The following POU6F2 variants were observed in gnomAD, a reference collection of about 807,000 sequenced individuals.
POU6F2 encodes the protein POU class 6 homeobox 2.
POU6F2 carries 31 observed loss-of-function variants against 71.3 expected under a neutral mutation model. The observed-to-expected ratio is 0.43, with a 90% CI of 0.33 to 0.59. POU6F2 has a LOEUF of 0.59. Ranked by LOEUF, POU6F2 falls within the 20% of genes least tolerant of loss-of-function variation. The probability of loss-of-function intolerance (pLI) is 0.04; values close to 1 mark genes in which losing one functional copy is unlikely to be tolerated. For synonymous variants in POU6F2, 347 were observed against 355.7 expected (o/e 0.98, Z 0.27); for missense variants, 783 against 856.8 (o/e 0.91, Z 1.07).
rs1023761785 is a variant in POU6F2, at chr7:39,460,613, C to G, written c.1556C>G (p.Ala519Gly). Residue 519 changes from alanine (A) to glycine (G), a missense_variant, in exon 9 of 10, where the codon GCT (alanine) becomes GGT (glycine). This residue lies in a region of POU6F2 where 211 missense variants were observed against 283.9 expected (regional missense o/e 0.74). Coordinates refer to ENST00000518318, the MANE Select transcript of POU6F2 (RefSeq NM_001370959.1). The surrounding 1 kb of genome is among the most constrained non-coding windows in gnomAD (Gnocchi z 4.4). Reference protein sequence around the residue: ...NLEEIREFAKAFKIRRLSLGL... With the variant: ...NLEEIREFAKGFKIRRLSLGL... ...GAGGAGATCCGAGAATTTGCCAAAG[C>G]TTTTAAAATCCGGCGCCTGTCCCTT... The G allele has an allele frequency of 4.3e-6, 7 of 1,612,266 alleles. No homozygotes were observed. The African/African-American group carries it at 8.0e-5, about 18-fold the overall frequency.
chr7:39,158,888 C>T (rs571693101), intron 2 of POU6F2, among the ~76,000 whole-genome samples: 34 of 152,046 alleles, frequency 2.2e-4, no homozygotes, highest in Non-Finnish European at 4.6e-4. Flanking sequence ...TTAACCGTTG[C>T]AGGCTGGGTG....
intron 1 of POU6F2, among the ~76,000 whole-genome samples, chr7:38,997,529 C>A (rs77547557): frequency 0.08 from 12,190 of 152,242 alleles, 619 homozygotes; most frequent in East Asian, 0.12. Context: ...TTGGCATCCA[C>A]ATTCTGTTTT....
intron 4 of POU6F2, among the ~76,000 whole-genome samples, chr7:39,233,492 G>A (rs960181316): frequency 1.3e-5 from 2 of 152,102 alleles, no homozygotes; most frequent in African/African-American, 4.8e-5. Flanking sequence ...CATTCTCTGG[G>A]ACTTGTAGGA....
chr7:39,113,069 A>G (rs1791853539), intron 2 of POU6F2, among the ~76,000 whole-genome samples: 1 of 152,178 alleles, frequency 6.6e-6, no homozygotes, highest in Non-Finnish European at 1.5e-5. Context: ...AACACAGTAT[A>G]TAAAAAGAAA....
intron 2 of POU6F2, among the ~76,000 whole-genome samples, chr7:39,177,324 T>C (rs1793351461): frequency 6.6e-6 from 1 of 152,190 alleles, no homozygotes; most frequent in South Asian, 2.1e-4. Flanking sequence ...TCAACCTCCG[T>C]GCCAACCGTG....
rs76571195 is a variant in POU6F2 at position 39,379,312 on chromosome 7, A to G, written c.973-27288A>G. ...CATTAAAATCTCTTCTGGTGGAAAG[A>G]TATTTTACTATATTACTCTTCCTCC... On this transcript the variant is annotated intron_variant, in intron 5 of 9. Coordinates refer to ENST00000518318, the MANE Select transcript of POU6F2 (RefSeq NM_001370959.1). Among the ~76,000 whole-genome samples the G allele has an allele frequency of 1.3e-4, 20 of 152,298 alleles. 2 individuals are homozygous for G. In the East Asian group the frequency reaches 3.7e-3, roughly 28 times the overall value.
intron 1 of POU6F2, among the ~76,000 whole-genome samples, chr7:39,034,825 T>C (rs988334196): frequency 1.5e-4 from 23 of 152,274 alleles, no homozygotes; most frequent in African/African-American, 4.3e-4. Flanking sequence ...CCCTGTTATT[T>C]TGGCAGCCAC....
intron 2 of POU6F2, among the ~76,000 whole-genome samples, chr7:39,203,362 A>G (rs1793944645): frequency 6.6e-6 from 1 of 152,248 alleles, no homozygotes; most frequent in Non-Finnish European, 1.5e-5. Flanking sequence ...ACCACCCATT[A>G]GAAAACTCCA....
intron 5 of POU6F2, among the ~76,000 whole-genome samples, chr7:39,398,658 A>G (rs1262481242): frequency 6.6e-6 from 1 of 152,212 alleles, no homozygotes; most frequent in Non-Finnish European, 1.5e-5. Flanking sequence ...ACTGGTGGAA[A>G]CAGCAAAGCA....
At chr7:39,140,793 G>C (rs1792481616) in intron 2 of POU6F2, among the ~76,000 whole-genome samples, 1 of 152,168 alleles carries the variant, frequency 6.6e-6, no homozygotes, top group South Asian at 2.1e-4. Flanking sequence ...GAGGGAGATG[G>C]AAAGATCTCG....
At chr7:39,187,034 A>G (rs1253592679) in intron 2 of POU6F2, among the ~76,000 whole-genome samples, 1 of 152,260 alleles carries the variant, frequency 6.6e-6, no homozygotes, top group Non-Finnish European at 1.5e-5. Context: ...TAAGGTAACA[A>G]TAAGAAAGCT....
At chr7:39,251,533 T>C (rs1421527732) in intron 4 of POU6F2, among the ~76,000 whole-genome samples, 2 of 152,218 alleles carry the variant, frequency 1.3e-5, no homozygotes. Flanking sequence ...GCTTTCTTGT[T>C]AATGCTTTAT....
chr7:39,464,347 G>A lies in POU6F2; in HGVS notation c.1824G>A (p.Glu608=). 1 of 1,614,054 alleles carries A rather than the reference G, an allele frequency of 6.2e-7. No individual in the cohort carries two copies. Among genetic ancestry groups the A allele is most frequent in the South Asian group, 1.1e-5 (1 of 91,088 alleles). The part of the protein sequence containing the change: ...KSAQKIKPVL[E]RWMAEAEARH... Reference sequence around the variant, plus strand: ...CCCAGAAGATCAAGCCGGTGCTTGAGCGGTGGATGGCTGAGGCTGAGGCCC... The same window carrying A: ...CCCAGAAGATCAAGCCGGTGCTTGAACGGTGGATGGCTGAGGCTGAGGCCC... The change falls in exon 10 of 10, where the codon GAG becomes GAA. Residue 608 remains glutamate, a synonymous_variant. Coordinates refer to ENST00000518318, the MANE Select transcript of POU6F2 (RefSeq NM_001370959.1). This position sits in a 1 kb window ranked among gnomAD's most constrained non-coding sequence, Gnocchi z 4.1.
chr7:39,019,181 CTT>C (rs772756614), intron 1 of POU6F2, among the ~76,000 whole-genome samples: 29 of 152,250 alleles, frequency 1.9e-4, no homozygotes, highest in Non-Finnish European at 2.9e-4. Flanking sequence ...CTGAAAATGA[CTT>C]TATTTTGTCT....
chr7:39,376,106 T>C (rs1268360620), intron 5 of POU6F2, among the ~76,000 whole-genome samples: 4 of 152,212 alleles, frequency 2.6e-5, no homozygotes, highest in Non-Finnish European at 5.9e-5. Context: ...AGCACAATGC[T>C]GTTGGGTGCT....
chr7:39,290,065 T>C (rs1784722652), intron 4 of POU6F2, among the ~76,000 whole-genome samples: 1 of 152,042 alleles, frequency 6.6e-6, no homozygotes, highest in Admixed American at 6.5e-5. Flanking sequence ...CATCCAAAGT[T>C]AGAAAAAAAA....
intron 2 of POU6F2, among the ~76,000 whole-genome samples, chr7:39,129,055 C>T (rs1792201065): frequency 6.6e-6 from 1 of 152,100 alleles, no homozygotes; most frequent in Admixed American, 6.5e-5. Flanking sequence ...ACATGAATGC[C>T]CCTCAGGAGT....
intron 6 of POU6F2, among the ~76,000 whole-genome samples, chr7:39,429,648 T>A (rs1788052236): frequency 6.6e-6 from 1 of 152,150 alleles, no homozygotes; most frequent in African/African-American, 2.4e-5. Flanking sequence ...TCTGGTACAT[T>A]GAGTGGCTTG....
intron 1 of POU6F2, among the ~76,000 whole-genome samples, chr7:39,037,916 C>A (rs1790101021): frequency 6.6e-6 from 1 of 151,918 alleles, no homozygotes; most frequent in Non-Finnish European, 1.5e-5. Context: ...TTTAAGCAAG[C>A]AAGAGACATG....
Sources: allele counts gnomAD v4.1 joint callset (sites outside exome capture counted in the v4.1 genomes callset), GRCh38; gene constraint gnomAD v4.1.1; regional missense constraint gnomAD v4.1.1; non-coding constraint Gnocchi (gnomAD v3.1); transcripts MANE v1.5; gene names NCBI Gene and HGNC (gene_info 2026-07-23, HGNC 2026-07-21).